MYO10: variants seen among roughly 807,000 people sequenced by gnomAD.
The protein encoded by MYO10 is myosin X.
In MYO10, 133 loss-of-function variants were observed where a neutral mutation model predicts 257.3. The observed-to-expected ratio is 0.52, with a 90% CI of 0.45 to 0.60. The LOEUF (loss-of-function observed/expected upper bound fraction) is 0.60, where lower values mean the gene tolerates loss of function less well. Among genes scored for constraint, MYO10 ranks in the 20% least tolerant of loss-of-function variants. MYO10 has a pLI of 0.00. For missense variants in MYO10, 2,399 were observed against 2,635.7 expected, an observed-to-expected ratio of 0.91 and a Z score of 1.97; for synonymous variants, 1,104 against 1,028.6, an observed-to-expected ratio of 1.07 and a Z score of -1.40.
At chr5:16,730,248 T>A (rs1281960274) in intron 19 of MYO10, among the ~76,000 whole-genome samples, 1 of 152,188 alleles carries the variant, frequency 6.6e-6, no homozygotes, top group Non-Finnish European at 1.5e-5. Context: ...AAACGCTTCT[T>A]ATTAAATGTG....
At chr5:16,687,963 A>G (rs1737324613) in intron 28 of MYO10, among the ~76,000 whole-genome samples, 1 of 152,234 alleles carries the variant, frequency 6.6e-6, no homozygotes, top group African/African-American at 2.4e-5. Flanking sequence ...AATCAAGTAT[A>G]ACTTGGAATC....
At chr5:16,762,143 A>AAAAAAAAAAAAAAT (rs370443366) in intron 15 of MYO10, 30 bp from the exon 16 acceptor site, 12 of 1,092,318 alleles carry the variant, frequency 1.1e-5, no homozygotes, top group East Asian at 2.7e-5. Context: ...AAAAAAAAAA[A>AAAAAAAAAAAAAAT]ATACAATGCC....
chr5:16,866,345 C>CA (rs1432210462), intron 2 of MYO10, among the ~76,000 whole-genome samples: 4 of 152,192 alleles, frequency 2.6e-5, no homozygotes, highest in African/African-American at 9.6e-5. Context: ...GCCATACTGT[C>CA]ATCAGACAGA....
intron 2 of MYO10, among the ~76,000 whole-genome samples, chr5:16,842,699 AG>A (rs1743518992): frequency 6.6e-6 from 1 of 152,130 alleles, no homozygotes; most frequent in Admixed American, 6.6e-5. Flanking sequence ...CCAAGATGGG[AG>A]GATCGCTTGA....
intron 2 of MYO10, among the ~76,000 whole-genome samples, chr5:16,865,806 G>A (rs1277102575): frequency 6.3e-5 from 6 of 95,546 alleles, no homozygotes; most frequent in East Asian, 7.8e-4. Flanking sequence ...GTTAGACTCC[G>A]TCTCGATAAT....
chr5:16,722,506 GTT>G (rs10714237), intron 19 of MYO10, among the ~76,000 whole-genome samples: 3,694 of 152,044 alleles, frequency 0.024, 150 homozygotes, highest in African/African-American at 0.084. Flanking sequence ...AAATGAAAAC[GTT>G]TTTTTGCTTT....
At chr5:16,935,658 G>A in intron 1 of MYO10, 130 bp downstream of exon 1, 2 of 1,046,580 alleles carry the variant, frequency 1.9e-6, no homozygotes, top group East Asian at 2.5e-5. Context: ...GATGGGGGGT[G>A]ATTTCAGGAG....
intron 13 of MYO10, 21 bp downstream of exon 13, chr5:16,763,634 T>A: frequency 6.3e-7 from 1 of 1,584,114 alleles, no homozygotes; most frequent in Non-Finnish European, 8.7e-7. Flanking sequence ...AAAATTGAAA[T>A]GGAATTCTAT....
chr5:16,864,916 G>A (rs1744203044), intron 2 of MYO10, among the ~76,000 whole-genome samples: 1 of 152,168 alleles, frequency 6.6e-6, no homozygotes, highest in South Asian at 2.1e-4. Flanking sequence ...TTGAAAGCAA[G>A]AATGAAAGTC....
intron 26 of MYO10, among the ~76,000 whole-genome samples, chr5:16,697,628 G>A (rs1348217164): frequency 1.3e-5 from 2 of 151,992 alleles, no homozygotes; most frequent in Non-Finnish European, 2.9e-5. Context: ...AACCCCGGGG[G>A]TGGAGGCTGC....
rs745877715 is a variant in MYO10 at position 16,673,740 on chromosome 5, T to A, written c.5114A>T (p.Tyr1705Phe). 6.2e-7 allele frequency: 1 copy of A among 1,613,936 alleles called. No individual in the cohort carries two copies. The highest frequency in any genetic ancestry group is 1.1e-5 in the South Asian group (1 of 91,076). ...IHRQEMTSTV[Y>F]CHGGGSCKIT... ...CTTGCAGGAGCCGCCGCCATGGCAA[T>A]AGACCGTGGATGTCATTTCCTGCCT... The change falls in exon 36 of 41, where the codon TAT (tyrosine) becomes TTT (phenylalanine). Residue 1705 changes from tyrosine to phenylalanine, a missense_variant. Around this residue, in one of 3 missense-constraint regions of MYO10, gnomAD observed 1,820 missense variants for 1,939.4 expected, o/e 0.94. Transcript: ENST00000513610.
chr5:16,751,266 A>C (rs544245090), intron 19 of MYO10, among the ~76,000 whole-genome samples: 1 of 149,832 alleles, frequency 6.7e-6, no homozygotes, highest in South Asian at 2.1e-4. Flanking sequence ...ATTAAAAAAA[A>C]TATATAAGGA....
chr5:16,674,850 T>G lies in MYO10; in HGVS notation c.4964+3A>C, dbSNP rs1221889507. On this transcript the variant is annotated splice_donor_region_variant and intron_variant, in intron 35 of 40. Coordinates refer to ENST00000513610, the MANE Select transcript of MYO10 (RefSeq NM_012334.3). ...GCTCATCTCCCGTGCCCCCATGCTT[T>G]ACCTTTTCAGATGGAACTTGAGATA... 6 of 1,613,794 alleles carry G rather than the reference T, an allele frequency of 3.7e-6. No individual in the cohort carries two copies. The highest frequency in any genetic ancestry group is 5.1e-6 in the Non-Finnish European group (6 of 1,179,810).
intron 3 of MYO10, among the ~76,000 whole-genome samples, chr5:16,806,758 C>G (rs116828922): frequency 6.6e-6 from 1 of 152,174 alleles, no homozygotes; most frequent in African/African-American, 2.4e-5. Context: ...AATCCCAATG[C>G]AGAAATAACT....
chr5:16,888,979 C>A (rs1008556206), intron 1 of MYO10, among the ~76,000 whole-genome samples: 1 of 151,806 alleles, frequency 6.6e-6, no homozygotes, highest in African/African-American at 2.4e-5. Context: ...TTGAGACTAG[C>A]CTGGGCAATA....
At chr5:16,801,211 C>T (rs935213715) in intron 3 of MYO10, among the ~76,000 whole-genome samples, 7 of 152,016 alleles carry the variant, frequency 4.6e-5, no homozygotes, top group African/African-American at 1.7e-4. Context: ...ATCAATCATG[C>T]ATTTATTTAT....
chr5:16,732,759 T>C (rs1242358434), intron 19 of MYO10, among the ~76,000 whole-genome samples: 1 of 152,160 alleles, frequency 6.6e-6, no homozygotes, highest in East Asian at 1.9e-4. Flanking sequence ...AGCCACAAGT[T>C]CCTCAATATC....
At chr5:16,835,479 G>A (rs1417904970) in intron 2 of MYO10, among the ~76,000 whole-genome samples, 1 of 133,770 alleles carries the variant, frequency 7.5e-6, no homozygotes, top group African/African-American at 2.7e-5. Flanking sequence ...TCACACCAAA[G>A]TCATTTTTGG....
At chr5:16,686,927 A>AAAT (rs1287547865) in intron 28 of MYO10, among the ~76,000 whole-genome samples, 2 of 152,206 alleles carry the variant, frequency 1.3e-5, no homozygotes, top group African/African-American at 2.4e-5. Context: ...TGGAAATGAA[A>AAAT]AATAACTGTT....
Sources: allele counts gnomAD v4.1 joint callset (sites outside exome capture counted in the v4.1 genomes callset), GRCh38; gene constraint gnomAD v4.1.1; regional missense constraint gnomAD v4.1.1; transcripts MANE v1.5; gene names NCBI Gene and HGNC (gene_info 2026-07-23, HGNC 2026-07-21).